PTPRD: variants seen among roughly 807,000 people sequenced by gnomAD.
The protein encoded by PTPRD is protein tyrosine phosphatase receptor type D.
PTPRD carries 34 observed loss-of-function variants against 214.5 expected under a neutral mutation model. The observed-to-expected ratio is 0.16, with a 90% CI of 0.12 to 0.21. PTPRD has a LOEUF of 0.21. PTPRD is among the 10% of genes least tolerant of loss of function. The pLI is 1.00. For missense variants in PTPRD, 2,545 were observed against 2,398.7 expected, an observed-to-expected ratio of 1.06 and a Z score of -1.27; for synonymous variants, 1,128 against 845.7, an observed-to-expected ratio of 1.33 and a Z score of -5.79.
chr9:9,897,533 T>C (rs1791495208), intron 5 of PTPRD, among the ~76,000 whole-genome samples: 1 of 152,090 alleles, frequency 6.6e-6, no homozygotes, highest in Non-Finnish European at 1.5e-5. Context: ...TATATCTATG[T>C]TAAAATATCT....
At position 8,713,357 on chromosome 9, in the gene PTPRD, G is replaced by T. The variant is rs117429409; in HGVS notation, c.64+20423C>A. On this transcript the variant is annotated intron_variant, in intron 12 of 45. Transcript: ENST00000381196. ...AGAGAGTACAAAGTAGTGGGTCGCC[G>T]CCTGCCCACTCCCAAATGCCACACA... 6.9e-6 allele frequency: 7 copies of T among 1,015,616 alleles called. No individual in the cohort carries two copies. The Admixed American group carries it at 1.1e-4, about 16-fold the overall frequency. The allele number at this position is 1,015,616 out of a possible 1,614,324, so 62.9% of individuals were successfully genotyped here. A position where few individuals can be genotyped will look rare whatever the true frequency, so the allele number is the denominator to read the frequency against.
chr9:8,338,596 G>C (rs1849242089), intron 43 of PTPRD, among the ~76,000 whole-genome samples: 1 of 152,088 alleles, frequency 6.6e-6, no homozygotes, highest in Non-Finnish European at 1.5e-5. Context: ...GCTCCAAAGA[G>C]CATGAGCTGA....
At chr9:10,468,866 T>C (rs1157320497) in intron 2 of PTPRD, among the ~76,000 whole-genome samples, 3 of 152,062 alleles carry the variant, frequency 2.0e-5, no homozygotes, top group African/African-American at 7.2e-5. Flanking sequence ...CTCAAAGTAA[T>C]ATATTAAAGA....
At chr9:8,951,357 A>C (rs1431670263) in intron 11 of PTPRD, among the ~76,000 whole-genome samples, 3 of 150,248 alleles carry the variant, frequency 2.0e-5, no homozygotes, top group Non-Finnish European at 4.4e-5. Flanking sequence ...TAAACATAGA[A>C]ATGTGCCAGG....
intron 9 of PTPRD, among the ~76,000 whole-genome samples, chr9:9,391,546 TTTGA>T (rs776828934): frequency 8.5e-5 from 13 of 152,284 alleles, no homozygotes; most frequent in East Asian, 1.9e-4. Context: ...AAGGCACTTC[TTTGA>T]TTGTACAATT....
intron 3 of PTPRD, among the ~76,000 whole-genome samples, chr9:10,210,825 ATG>A (rs1554858806): frequency 0.035 from 2,832 of 80,140 alleles, 64 homozygotes; most frequent in Non-Finnish European, 0.045. Context: ...ATATATATGT[ATG>A]TATGTATGTA....
chr9:8,849,992 T>C (rs2097780582), intron 11 of PTPRD, among the ~76,000 whole-genome samples: 1 of 151,976 alleles, frequency 6.6e-6, no homozygotes. Context: ...GTGAAAAGAT[T>C]ACAGGAGGAG....
intron 37 of PTPRD, among the ~76,000 whole-genome samples, chr9:8,380,443 C>A (rs1057237444): frequency 2.0e-5 from 3 of 152,146 alleles, no homozygotes; most frequent in African/African-American, 7.2e-5. Flanking sequence ...AGAAACATCA[C>A]CCAGTAACTT....
At chr9:9,726,082 G>C (rs1309772040) in intron 7 of PTPRD, among the ~76,000 whole-genome samples, 3 of 152,100 alleles carry the variant, frequency 2.0e-5, no homozygotes, top group Non-Finnish European at 2.9e-5. Context: ...ATTTCTCATT[G>C]TTTTTTAAGG....
chr9:8,496,206 ACACAAACAC>A (rs2097265560), intron 26 of PTPRD, among the ~76,000 whole-genome samples: 2 of 139,658 alleles, frequency 1.4e-5, no homozygotes, highest in Admixed American at 7.3e-5. Flanking sequence ...ACACACACAC[ACACAAACAC>A]ACACACACAC....
At chr9:9,535,731 G>A (rs988990843) in intron 8 of PTPRD, among the ~76,000 whole-genome samples, 12 of 151,994 alleles carry the variant, frequency 7.9e-5, no homozygotes, top group African/African-American at 2.9e-4. Context: ...GCCTGGAAGT[G>A]TTACAGAAAA....
intron 12 of PTPRD, among the ~76,000 whole-genome samples, chr9:8,670,958 A>G (rs1468124841): frequency 6.6e-6 from 1 of 152,084 alleles, no homozygotes; most frequent in Non-Finnish European, 1.5e-5. Context: ...TTAAGGCAAA[A>G]ATTTCTTGAA....
At chr9:10,435,322 C>G (rs1326758678) in intron 2 of PTPRD, among the ~76,000 whole-genome samples, 1 of 151,892 alleles carries the variant, frequency 6.6e-6, no homozygotes, top group African/African-American at 2.4e-5. Flanking sequence ...ATCCTAATAG[C>G]ACTTTACACG....
intron 11 of PTPRD, among the ~76,000 whole-genome samples, chr9:8,869,802 A>C (rs1054109091): frequency 2.0e-5 from 3 of 151,662 alleles, no homozygotes; most frequent in African/African-American, 7.3e-5. Flanking sequence ...TCTGCTCTGC[A>C]CAGCTGGTTT....
At chr9:9,394,329 A>G (rs2066947111) in intron 9 of PTPRD, among the ~76,000 whole-genome samples, 1 of 152,152 alleles carries the variant, frequency 6.6e-6, no homozygotes, top group Non-Finnish European at 1.5e-5. Flanking sequence ...ATAGGGGAAG[A>G]TATTTTATTG....
At chr9:9,301,410 A>G (rs1162956290) in intron 9 of PTPRD, among the ~76,000 whole-genome samples, 1 of 151,876 alleles carries the variant, frequency 6.6e-6, no homozygotes, top group Non-Finnish European at 1.5e-5. Context: ...AACAACGACC[A>G]TCATAAAGAT....
intron 12 of PTPRD, among the ~76,000 whole-genome samples, chr9:8,684,998 T>C (rs2097649641): frequency 6.6e-6 from 1 of 152,170 alleles, no homozygotes; most frequent in African/African-American, 2.4e-5. Context: ...CCTGTAAAGA[T>C]GCTCTTCTGG....
intron 39 of PTPRD, among the ~76,000 whole-genome samples, chr9:8,371,875 G>C (rs2081634987): frequency 2.6e-5 from 4 of 151,994 alleles, no homozygotes; most frequent in Admixed American, 1.3e-4. Context: ...TTTGGAATGT[G>C]TAGCTATCAG....
At chr9:9,015,620 C>G (rs1422666181) in intron 11 of PTPRD, among the ~76,000 whole-genome samples, 1 of 152,174 alleles carries the variant, frequency 6.6e-6, no homozygotes, top group African/African-American at 2.4e-5. Flanking sequence ...TCACTTTACT[C>G]TATGGACTTG....
Sources: allele counts gnomAD v4.1 joint callset (sites outside exome capture counted in the v4.1 genomes callset), GRCh38; gene constraint gnomAD v4.1.1; transcripts MANE v1.5; gene names NCBI Gene and HGNC (gene_info 2026-07-23, HGNC 2026-07-21).